AFG3L2: variants seen among roughly 807,000 people sequenced by gnomAD.
AFG3L2 encodes the protein mitochondrial inner membrane m-AAA protease component AFG3L2.
Under a neutral mutation model 94.5 loss-of-function variants are expected in AFG3L2, and 54 were observed. The observed-to-expected ratio is 0.57, with a 90% CI of 0.46 to 0.72. AFG3L2 has a LOEUF of 0.72. Among genes scored for constraint, AFG3L2 ranks in the 30% least tolerant of loss-of-function variants. AFG3L2 has a pLI of 0.00. For synonymous variants in AFG3L2, 377 were observed against 365.5 expected, an observed-to-expected ratio of 1.03 and a Z score of -0.36; for missense variants, 754 against 994.9, an observed-to-expected ratio of 0.76 and a Z score of 3.26.
rs746404423 is a variant in AFG3L2, at chr18:12,329,801, T to G, written c.2176-18A>C. 1 of 1,592,022 alleles carries G rather than the reference T, an allele frequency of 6.3e-7. No homozygotes were observed. Among genetic ancestry groups the G allele is most frequent in the Non-Finnish European group, 8.6e-7 (1 of 1,160,052 alleles). On this transcript the variant is annotated intron_variant, in intron 16 of 16. Coordinates refer to ENST00000269143, the MANE Select transcript of AFG3L2 (RefSeq NM_006796.3). ...AGAGCAACCTGAAATATGAACAATT[T>G]TCATTAAATACAGTTACTCAGCAAA...
intron 10 of AFG3L2, 42 bp from the exon 11 acceptor site, chr18:12,351,455 G>A (rs775783680): frequency 5.8e-6 from 9 of 1,563,984 alleles, no homozygotes; most frequent in Non-Finnish European, 7.9e-6. Flanking sequence ...AATGACAAGA[G>A]GCAGAAAGCA....
At chr18:12,375,640 G>A (rs937514491) in intron 1 of AFG3L2, among the ~76,000 whole-genome samples, 1 of 152,192 alleles carries the variant, frequency 6.6e-6, no homozygotes, top group African/African-American at 2.4e-5. Flanking sequence ...CCACCGCCCA[G>A]GTTCACGCCA....
intron 6 of AFG3L2, among the ~76,000 whole-genome samples, chr18:12,360,886 C>CT (rs1210624059): frequency 6.6e-6 from 1 of 152,138 alleles, no homozygotes; most frequent in Non-Finnish European, 1.5e-5. Flanking sequence ...GTCACACTGC[C>CT]TTTACACAAC....
chr18:12,371,539 CA>C, intron 2 of AFG3L2, 52 bp downstream of exon 2: 8 of 1,505,838 alleles, frequency 5.3e-6, no homozygotes, highest in Non-Finnish European at 6.5e-6. Context: ...CAGAAGGAGA[CA>C]AAAGACCCAA....
intron 14 of AFG3L2, 67 bp from the exon 15 acceptor site, chr18:12,340,468 T>A: frequency 1.6e-6 from 2 of 1,214,472 alleles, no homozygotes; most frequent in Non-Finnish European, 2.4e-6. Context: ...CATCTGTGTA[T>A]AAACAGATAA....
At chr18:12,330,780 C>CA (rs544247468) in intron 16 of AFG3L2, among the ~76,000 whole-genome samples, 3,037 of 123,092 alleles carry the variant, frequency 0.025, 31 homozygotes, top group Middle Eastern at 0.048. Flanking sequence ...GACTCGGTCT[C>CA]AAAAAAAAAA....
intron 3 of AFG3L2, among the ~76,000 whole-genome samples, chr18:12,368,827 C>T (rs1908888731): frequency 6.6e-6 from 1 of 152,158 alleles, no homozygotes; most frequent in African/African-American, 2.4e-5. Flanking sequence ...TCTTCAACTC[C>T]TGACCTCAGC....
At chr18:12,360,344 T>C (rs977732669) in intron 6 of AFG3L2, 3 of 356,002 alleles carry the variant, frequency 8.4e-6, no homozygotes, top group African/African-American at 6.4e-5. Flanking sequence ...TAATCCTTTT[T>C]AAAATAAATA....
chr18:12,335,725 C>T (rs573024980), intron 16 of AFG3L2, among the ~76,000 whole-genome samples: 1 of 152,328 alleles, frequency 6.6e-6, no homozygotes, highest in South Asian at 2.1e-4. Context: ...CTATGACCTG[C>T]TCATCCTTCT....
intron 6 of AFG3L2, among the ~76,000 whole-genome samples, chr18:12,361,386 C>T (rs569207755): frequency 1.6e-4 from 25 of 152,068 alleles, no homozygotes; most frequent in Non-Finnish European, 3.5e-4. Context: ...CAGTGGCTCA[C>T]GCCTGTAATT....
At position 12,360,117 on chromosome 18, in the gene AFG3L2, G is replaced by A. The variant is rs534657160; in HGVS notation, c.628-66C>T. 1.6e-5 allele frequency: 24 copies of A among 1,487,238 alleles called. No homozygotes were observed. The African/African-American group carries it at 2.0e-4, about 12-fold the overall frequency. The allele number at this position is 1,487,238 out of a possible 1,614,324, so 92.1% of individuals were successfully genotyped here. On this transcript the variant is annotated intron_variant, in intron 6 of 16. Coordinates refer to ENST00000269143, the MANE Select transcript of AFG3L2 (RefSeq NM_006796.3). ...AACTAAAAGGTTCAATTCACTAAAC[G>A]GTTCAACTTTTTAAGAATTTTCCAG... is the stretch of plus-strand genomic sequence containing the variant.
chr18:12,333,266 T>TTATAAATATAGATTATATATAATA (rs1555670161), intron 16 of AFG3L2, among the ~76,000 whole-genome samples: 77 of 128,782 alleles, frequency 6.0e-4, no homozygotes, highest in African/African-American at 2.1e-3. Context: ...AGATTATATA[T>TTATAAATATAGATTATATATAATA]TATAAATATA....
chr18:12,339,848 CAA>C lies in AFG3L2; in HGVS notation c.1980+351_1980+352del, dbSNP rs55881327. 2.6e-3 allele frequency among the ~76,000 whole-genome samples: 209 copies of C among 79,224 alleles called. 1 individual carries two copies. The highest frequency in any genetic ancestry group is 6.5e-3 in the East Asian group (18 of 2,788). The allele number at this position is 79,224 out of a possible 152,430, so 52.0% of individuals were successfully genotyped here. A position where few individuals can be genotyped will look rare whatever the true frequency, so the allele number is the denominator to read the frequency against. On this transcript the variant is annotated intron_variant, in intron 15 of 16. Transcript: ENST00000269143. ...TGGGCAAGAGTGCGAGGCTCAGTCT[CAA>C]AAAAAAAAAAAAAAAAAAAATTAGC...
Position 12,344,163 on chromosome 18 carries a change from C to T in AFG3L2, c.1748G>A (p.Trp583Ter). 6.2e-7 allele frequency: 1 copy of T among 1,613,876 alleles called. No individual in the cohort carries two copies. The highest frequency in any genetic ancestry group is 8.5e-7 in the Non-Finnish European group (1 of 1,180,036). ...YHEAGHAVAG[W>*]YLEHADPLLK... ...AAGCGGGTCTGCGTGCTCCAGATAC[C>T]AGCCGGCAACCGCATGGCCTGCTTC... Residue 583 changes from tryptophan to a stop codon, truncating the protein, a stop_gained, in exon 14 of 17, where the codon TGG (tryptophan) becomes TAG (stop). Coordinates refer to ENST00000269143, the MANE Select transcript of AFG3L2 (RefSeq NM_006796.3). LOFTEE classifies it high-confidence loss of function.
At chr18:12,335,875 G>A (rs1162898393) in intron 16 of AFG3L2, among the ~76,000 whole-genome samples, 3 of 152,338 alleles carry the variant, frequency 2.0e-5, no homozygotes, top group Non-Finnish European at 4.4e-5. Flanking sequence ...ACACTTTTGT[G>A]CACCGACAGC....
chr18:12,376,999 C>T lies in AFG3L2; in HGVS notation c.84G>A (p.Val28=). The change falls in exon 1 of 17, where the codon GTG becomes GTA. Residue 28 remains valine, a synonymous_variant. Coordinates refer to ENST00000269143, the MANE Select transcript of AFG3L2 (RefSeq NM_006796.3). ...GGAGGCAGGGCTGCTCGCCCGGGCC[C>T]ACGCCGCCAGGCACGAGGAGCTGCT... ...GLQQLLVPGG[V]GPGEQPCLRT... is the part of the protein sequence containing the mutation. 1.4e-6 allele frequency: 2 copies of T among 1,461,350 alleles called. No individual in the cohort carries two copies. The highest frequency in any genetic ancestry group is 1.3e-5 in the South Asian group (1 of 76,290). The allele number at this position is 1,461,350 out of a possible 1,614,324, so 90.5% of individuals were successfully genotyped here. A position where few individuals can be genotyped will look rare whatever the true frequency, so the allele number is the denominator to read the frequency against.
At chr18:12,346,684 ACCTGAGGTCAGGAGTTCG>A in intron 13 of AFG3L2, among the ~76,000 whole-genome samples, 1 of 152,264 alleles carries the variant, frequency 6.6e-6, no homozygotes, top group Middle Eastern at 3.4e-3. Flanking sequence ...CAGGCAGATC[ACCTGAGGTCAGGAGTTCG>A]AGATCAGCCT....
intron 13 of AFG3L2, among the ~76,000 whole-genome samples, chr18:12,347,058 T>C (rs1019192582): frequency 4.0e-5 from 6 of 151,808 alleles, no homozygotes; most frequent in Non-Finnish European, 8.8e-5. Context: ...ACCCTGGAGG[T>C]GGAGGTTGCA....
At chr18:12,356,002 G>C (rs1179799282) in intron 9 of AFG3L2, among the ~76,000 whole-genome samples, 1 of 151,584 alleles carries the variant, frequency 6.6e-6, no homozygotes, top group African/African-American at 2.4e-5. Context: ...TGGAAATGTT[G>C]TAAAACTGAT....
Sources: gnomAD v4.1 joint callset for allele counts (sites outside exome capture counted in the v4.1 genomes callset) on GRCh38, gnomAD v4.1.1 for gene constraint, MANE v1.5 for transcripts, NCBI Gene and HGNC (gene_info 2026-07-23, HGNC 2026-07-21) for gene names.